The following TXNDC16 variants were observed in gnomAD, a reference collection of about 807,000 sequenced individuals.
TXNDC16 encodes thioredoxin domain containing 16.
TXNDC16 carries 74 observed loss-of-function variants against 85.6 expected under a neutral mutation model. That is an observed-to-expected ratio of 0.86 (90% CI 0.72 to 1.05). TXNDC16 has a LOEUF of 1.05. TXNDC16 is among the 50% of genes least tolerant of loss of function. The pLI, the probability that TXNDC16 is intolerant of heterozygous loss-of-function variation, is 0.00. For synonymous variants in TXNDC16, 335 were observed against 326.5 expected, an observed-to-expected ratio of 1.03 and a Z score of -0.28; for missense variants, 959 against 947.0, an observed-to-expected ratio of 1.01 and a Z score of -0.17.
chr14:52,474,296 T>G (rs2035971683), intron 14 of TXNDC16, among the ~76,000 whole-genome samples: 1 of 152,244 alleles, frequency 6.6e-6, no homozygotes, highest in Non-Finnish European at 1.5e-5. Flanking sequence ...TACTTCATTA[T>G]GATTTATATT....
At chr14:52,433,468 G>T (rs1189936797) in intron 20 of TXNDC16, among the ~76,000 whole-genome samples, 1 of 152,098 alleles carries the variant, frequency 6.6e-6, no homozygotes, top group Non-Finnish European at 1.5e-5. Flanking sequence ...TCCAATGAAA[G>T]AATCTATGCA....
At chr14:52,502,688 T>C (rs2036687377) in intron 9 of TXNDC16, among the ~76,000 whole-genome samples, 1 of 152,072 alleles carries the variant, frequency 6.6e-6, no homozygotes, top group African/African-American at 2.4e-5. Context: ...CCAACTGAGG[T>C]ACAAGGTTCA....
intron 2 of TXNDC16, 40 bp from the exon 3 acceptor site, chr14:52,543,670 A>G: frequency 8.6e-6 from 10 of 1,159,704 alleles, no homozygotes; most frequent in Non-Finnish European, 1.2e-5. Flanking sequence ...TTGTTGAATG[A>G]ATTTGTTAAA....
At chr14:52,457,236 G>T in intron 16 of TXNDC16, 62 bp from the exon 17 acceptor site, 3 of 892,364 alleles carry the variant, frequency 3.4e-6, no homozygotes, top group Non-Finnish European at 3.4e-6. Flanking sequence ...CTATTCAACT[G>T]ATGAAGAGAT....
In TXNDC16 at chr14:52,432,152, A is replaced by T; in HGVS notation, c.*152T>A. The T allele has an allele frequency of 1.6e-6, 1 of 625,458 alleles. No individual in the cohort carries two copies. The highest frequency in any genetic ancestry group is 2.4e-6 in the Non-Finnish European group (1 of 411,462). The allele number at this position is 625,458 out of a possible 1,614,324, so 38.7% of individuals were successfully genotyped here. Reference sequence around the variant, plus strand: ...CACTTTTACTTTGTTTAATGTAGTTACTAGAAAATTTTAAATAAAATATGT... The same window carrying T: ...CACTTTTACTTTGTTTAATGTAGTTTCTAGAAAATTTTAAATAAAATATGT... On this transcript the variant is annotated 3_prime_UTR_variant, in exon 21 of 21. Transcript: ENST00000281741.
At chr14:52,542,946 T>C (rs1304824260) in intron 3 of TXNDC16, among the ~76,000 whole-genome samples, 3 of 152,218 alleles carry the variant, frequency 2.0e-5, no homozygotes, top group Non-Finnish European at 2.9e-5. Flanking sequence ...GCTCAATAGT[T>C]ATATTAGTTA....
In TXNDC16 at chr14:52,542,574, T is replaced by C. The variant is rs112602227; in HGVS notation, c.161-121A>G. 1,419 of 592,374 alleles carry C rather than the reference T, an allele frequency of 2.4e-3. 17 individuals carry two copies. The African/African-American group carries it at 0.024, about 10-fold the overall frequency. The allele number at this position is 592,374 out of a possible 1,614,324, so 36.7% of individuals were successfully genotyped here. ...GCATGCAACAACAAATAACTAAACA[T>C]ATCTCATTACATATTTTCACACCCT... On this transcript the variant is annotated intron_variant, in intron 3 of 20. Coordinates refer to ENST00000281741, the MANE Select transcript of TXNDC16 (RefSeq NM_020784.3).
rs572931576 is a variant in TXNDC16 at position 52,496,510 on chromosome 14, T to C, written c.757-5505A>G. Among the ~76,000 whole-genome samples, 11 of 151,316 alleles carry C rather than the reference T, an allele frequency of 7.3e-5. 1 individual carries two copies. The South Asian group carries it at 2.3e-3, about 32-fold the overall frequency. On this transcript the variant is annotated intron_variant, in intron 9 of 20. Transcript: ENST00000281741. ...CTCAAAATTTGGAGTATAAAGTACA[T>C]ATATCATTTTGTGCTATTTCTGTCT...
At chr14:52,531,003 C>T (rs1189727774) in intron 6 of TXNDC16, among the ~76,000 whole-genome samples, 1 of 151,744 alleles carries the variant, frequency 6.6e-6, no homozygotes, top group Non-Finnish European at 1.5e-5. Context: ...AACAAACAAC[C>T]CAATTAAAAA....
At chr14:52,530,276 T>TATATAA (rs1566581970) in intron 6 of TXNDC16, among the ~76,000 whole-genome samples, 1 of 39,844 alleles carries the variant, frequency 2.5e-5, no homozygotes, top group Non-Finnish European at 3.6e-5. Flanking sequence ...ATATTATTAT[T>TATATAA]TAATATATAA....
At chr14:52,445,893 G>A (rs2035271304) in intron 18 of TXNDC16, among the ~76,000 whole-genome samples, 1 of 152,118 alleles carries the variant, frequency 6.6e-6, no homozygotes, top group Admixed American at 6.5e-5. Flanking sequence ...GCATTTCTCA[G>A]AAGATATCCT....
intron 1 of TXNDC16, among the ~76,000 whole-genome samples, chr14:52,547,510 T>G (rs1394113759): frequency 6.6e-6 from 1 of 152,234 alleles, no homozygotes; most frequent in Non-Finnish European, 1.5e-5. Context: ...GTAATTCATT[T>G]CTATTGTGTT....
intron 18 of TXNDC16, among the ~76,000 whole-genome samples, chr14:52,447,135 G>A (rs2035303322): frequency 6.6e-6 from 1 of 151,914 alleles, no homozygotes; most frequent in Non-Finnish European, 1.5e-5. Context: ...CTTGGCTCTT[G>A]GATGGCATTT....
At position 52,432,424 on chromosome 14, in the gene TXNDC16, T is replaced by G; in HGVS notation, c.2358A>C (p.Ala786=). The G allele has an allele frequency of 6.2e-7, 1 of 1,614,096 alleles. No homozygotes were observed. The highest frequency in any genetic ancestry group is 1.3e-5 in the African/African-American group (1 of 75,054). ...GAGTTTCAATCGGTTCTTTTCTGACTGCCGATTTATCTTCATGTTGTTCCT... is the reference window on the plus strand; with the variant it reads ...GAGTTTCAATCGGTTCTTTTCTGACGGCCGATTTATCTTCATGTTGTTCCT... ...NDKEQHEDKS[A]VRKEPIETLR... is the part of the protein sequence containing the mutation. Residue 786 remains alanine (A), a synonymous_variant, in exon 21 of 21, where the codon GCA becomes GCC. Coordinates refer to ENST00000281741, the MANE Select transcript of TXNDC16 (RefSeq NM_020784.3).
At chr14:52,531,761 T>C (rs1238538726) in intron 6 of TXNDC16, among the ~76,000 whole-genome samples, 2 of 152,188 alleles carry the variant, frequency 1.3e-5, no homozygotes, top group South Asian at 4.1e-4. Context: ...ACTTATAGAA[T>C]GTAGAACACA....
At chr14:52,459,306 C>A (rs2140119414) in intron 16 of TXNDC16, among the ~76,000 whole-genome samples, 1 of 152,060 alleles carries the variant, frequency 6.6e-6, no homozygotes, top group South Asian at 2.1e-4. Context: ...CTATATTATA[C>A]AAACTAGAAA....
At chr14:52,510,629 T>G (rs2036932338) in intron 9 of TXNDC16, among the ~76,000 whole-genome samples, 1 of 152,338 alleles carries the variant, frequency 6.6e-6, no homozygotes, top group Middle Eastern at 3.4e-3. Flanking sequence ...TTTGGATTAC[T>G]TATAATACAC....
At position 52,537,621 on chromosome 14, in the gene TXNDC16, A is replaced by T; in HGVS notation, c.295T>A (p.Leu99Met). The change falls in exon 5 of 21, where the codon TTG (leucine) becomes ATG (methionine). Residue 99 changes from leucine to methionine, a missense_variant. Coordinates refer to ENST00000281741, the MANE Select transcript of TXNDC16 (RefSeq NM_020784.3). ...TACTTGAATAAATATGCTTTCATCAAATCCTTTTCTTTTCCACAGTATCTT... is the reference window on the plus strand; with the variant it reads ...TACTTGAATAAATATGCTTTCATCATATCCTTTTCTTTTCCACAGTATCTT... The part of the protein sequence containing the change: ...ISRYCGKEKD[L>M]MKAYLFKGNI... 2 of 1,590,236 alleles carry T rather than the reference A, an allele frequency of 1.3e-6. No individual in the cohort carries two copies. The highest frequency in any genetic ancestry group is 1.7e-6 in the Non-Finnish European group (2 of 1,160,102).
intron 20 of TXNDC16, among the ~76,000 whole-genome samples, chr14:52,437,289 T>C (rs2035051488): frequency 6.6e-6 from 1 of 152,124 alleles, no homozygotes; most frequent in South Asian, 2.1e-4. Flanking sequence ...CATGATCTTA[T>C]ATACAGAAAA....
Sources: allele counts gnomAD v4.1 joint callset (sites outside exome capture counted in the v4.1 genomes callset), GRCh38; gene constraint gnomAD v4.1.1; transcripts MANE v1.5; gene names NCBI Gene and HGNC (gene_info 2026-07-23, HGNC 2026-07-21).